Variants in KCNJ3 observed in about 807,000 individuals in gnomAD.
The protein encoded by KCNJ3 is potassium inwardly rectifying channel subfamily J member 3.
In KCNJ3, 4 loss-of-function variants were observed where a neutral mutation model predicts 39.2. The observed-to-expected ratio is 0.10, with a 90% confidence interval of 0.05 to 0.23. KCNJ3 has a LOEUF of 0.23. Among genes scored for constraint, KCNJ3 ranks in the 10% least tolerant of loss-of-function variants. The pLI is 1.00. For synonymous variants in KCNJ3, 230 were observed against 237.4 expected, an observed-to-expected ratio of 0.97 and a Z score of 0.29; for missense variants, 276 against 634.9, an observed-to-expected ratio of 0.43 and a Z score of 6.08.
chr2:154,826,495 CTT>C (rs1186625989), intron 2 of KCNJ3, among the ~76,000 whole-genome samples: 1 of 152,182 alleles, frequency 6.6e-6, no homozygotes, highest in African/African-American at 2.4e-5. Flanking sequence ...GGTAATTTAA[CTT>C]AATGTTGGAA....
chr2:154,842,467 A>G (rs2105130987), intron 2 of KCNJ3, among the ~76,000 whole-genome samples: 1 of 152,330 alleles, frequency 6.6e-6, no homozygotes, highest in East Asian at 1.9e-4. Context: ...TGCTTGTTGC[A>G]GAGCTGAGTT....
Position 154,857,281 on chromosome 2 carries a change from C to T in KCNJ3, c.*1968C>T, listed in dbSNP as rs1414376370. The T allele has an allele frequency of 6.6e-6, 1 of 152,012 alleles. No homozygotes were observed. The highest frequency in any genetic ancestry group is 1.5e-5 in the Non-Finnish European group (1 of 68,010). 9.4% of individuals were successfully genotyped at this position (152,012 alleles called of 1,614,324 possible). ...ATTTATCAGCAGTGGAAAAAAAGTG[C>T]ATAGATCATTTAGTCCAAGAACTTA... On this transcript the variant is annotated 3_prime_UTR_variant, in exon 3 of 3. Coordinates refer to ENST00000295101, the MANE Select transcript of KCNJ3 (RefSeq NM_002239.4).
chr2:154,724,812 A>C (rs1205807458), intron 2 of KCNJ3, among the ~76,000 whole-genome samples: 1 of 148,470 alleles, frequency 6.7e-6, no homozygotes, highest in Non-Finnish European at 1.5e-5. Context: ...AATTATTTAT[A>C]AATAAAATAT....
At chr2:154,765,595 T>C (rs1317551617) in intron 2 of KCNJ3, among the ~76,000 whole-genome samples, 1 of 152,208 alleles carries the variant, frequency 6.6e-6, no homozygotes, top group Non-Finnish European at 1.5e-5. Flanking sequence ...ACTAGTATTT[T>C]TGAAACTAGC....
At chr2:154,785,312 T>G (rs1686507589) in intron 2 of KCNJ3, among the ~76,000 whole-genome samples, 1 of 152,170 alleles carries the variant, frequency 6.6e-6, no homozygotes, top group South Asian at 2.1e-4. Context: ...GTAGGTATGG[T>G]TTCTTCTGAG....
At chr2:154,798,053 G>A (rs1686750550) in intron 2 of KCNJ3, among the ~76,000 whole-genome samples, 1 of 151,584 alleles carries the variant, frequency 6.6e-6, no homozygotes, top group Non-Finnish European at 1.5e-5. Flanking sequence ...GCCAAGATGT[G>A]GAAACAATGT....
At chr2:154,755,075 T>C (rs1325270815) in intron 2 of KCNJ3, among the ~76,000 whole-genome samples, 2 of 152,140 alleles carry the variant, frequency 1.3e-5, no homozygotes, top group African/African-American at 4.8e-5. Flanking sequence ...TCAAGATCTG[T>C]AGTGATACCT....
intron 2 of KCNJ3, among the ~76,000 whole-genome samples, chr2:154,767,093 A>G (rs888271079): frequency 6.6e-6 from 1 of 152,132 alleles, no homozygotes; most frequent in African/African-American, 2.4e-5. Flanking sequence ...ATTTTCACTC[A>G]TTTGTACCAC....
At position 154,699,554 on chromosome 2, in the gene KCNJ3, C is replaced by A. The variant is rs1192297764; in HGVS notation, c.702+77C>A. 1.3e-6 allele frequency: 2 copies of A among 1,481,926 alleles called. No individual in the cohort carries two copies. The highest frequency in any genetic ancestry group is 1.8e-6 in the Non-Finnish European group (2 of 1,117,796). The allele number at this position is 1,481,926 out of a possible 1,614,324, so 91.8% of individuals were successfully genotyped here. On this transcript the variant is annotated intron_variant, in intron 1 of 2. Coordinates refer to ENST00000295101, the MANE Select transcript of KCNJ3 (RefSeq NM_002239.4). This position sits in a 1 kb window ranked among gnomAD's most constrained non-coding sequence, Gnocchi z 6.4. Reference sequence around the variant, plus strand: ...GCGGAGTAACTCGTCTGAGAACCAGCCCGGGCCCCCTCCCCTGGTTCTACC... The same window carrying A: ...GCGGAGTAACTCGTCTGAGAACCAGACCGGGCCCCCTCCCCTGGTTCTACC...
chr2:154,787,334 T>G (rs1203354188), intron 2 of KCNJ3, among the ~76,000 whole-genome samples: 2 of 152,160 alleles, frequency 1.3e-5, no homozygotes, highest in African/African-American at 4.8e-5. Context: ...TTTTTTTTCT[T>G]TTTTGTGCCT....
chr2:154,832,445 T>A (rs1460155044), intron 2 of KCNJ3, among the ~76,000 whole-genome samples: 3 of 152,196 alleles, frequency 2.0e-5, no homozygotes, highest in Non-Finnish European at 4.4e-5. Context: ...GATGGAAACA[T>A]TTCTCTTTTA....
chr2:154,707,256 G>C (rs1316806963), intron 1 of KCNJ3, among the ~76,000 whole-genome samples: 2 of 152,114 alleles, frequency 1.3e-5, no homozygotes, highest in East Asian at 3.9e-4. Context: ...GGGTGGGGTA[G>C]GGTAATTTTG....
At chr2:154,835,480 AATAT>A (rs1352124955) in intron 2 of KCNJ3, among the ~76,000 whole-genome samples, 2 of 109,266 alleles carry the variant, frequency 1.8e-5, no homozygotes, top group Non-Finnish European at 4.1e-5. Flanking sequence ...ATGAATATAT[AATAT>A]TCATGAATAT....
chr2:154,729,177 T>C (rs767408719), intron 2 of KCNJ3, among the ~76,000 whole-genome samples: 28 of 152,170 alleles, frequency 1.8e-4, no homozygotes, highest in Non-Finnish European at 3.1e-4. Flanking sequence ...AGAAATGAAG[T>C]CTTCTTCAGT....
rs11695892 is a variant in KCNJ3 at position 154,854,167 on chromosome 2, G to A, written c.920-560G>A. On this transcript the variant is annotated intron_variant, in intron 2 of 2. Coordinates refer to ENST00000295101, the MANE Select transcript of KCNJ3 (RefSeq NM_002239.4). ...AAAAAGGTAAGCGTCCATTAATTGA[G>A]TCACTTATTGTAGATATTATATGAC... 4.7e-3 allele frequency among the ~76,000 whole-genome samples: 718 copies of A among 152,200 alleles called. 5 individuals carry two copies. The highest frequency in any genetic ancestry group is 8.4e-3 in the Non-Finnish European group (570 of 68,010).
intron 1 of KCNJ3, among the ~76,000 whole-genome samples, chr2:154,703,714 A>G (rs1056778793): frequency 2.6e-5 from 4 of 152,068 alleles, no homozygotes; most frequent in African/African-American, 9.7e-5. Context: ...CTTTCATTTT[A>G]TATCTTGCAC....
rs376380257 is a variant in KCNJ3, at chr2:154,826,892, A to G, written c.920-27835A>G. On this transcript the variant is annotated intron_variant, in intron 2 of 2. Transcript: ENST00000295101. ...TTTTAATGTAAAGCAGGTACACTTC[A>G]TTTATCAGAATTTTGGACTTACTAA... Among the ~76,000 whole-genome samples, 10 of 152,316 alleles carry G rather than the reference A, an allele frequency of 6.6e-5. No individual in the cohort carries two copies. In the East Asian group the frequency reaches 1.5e-3, roughly 24 times the overall value.
intron 2 of KCNJ3, among the ~76,000 whole-genome samples, chr2:154,773,961 TC>T (rs958765960): frequency 1.2e-4 from 18 of 152,154 alleles, no homozygotes; most frequent in African/African-American, 4.3e-4. Flanking sequence ...TGTTGTTAAT[TC>T]TGTCCTTTCC....
intron 2 of KCNJ3, among the ~76,000 whole-genome samples, chr2:154,830,712 A>G (rs967509636): frequency 3.9e-5 from 6 of 152,078 alleles, no homozygotes; most frequent in African/African-American, 1.2e-4. Context: ...CTTAGTTGGA[A>G]GTAATTGTTC....
Sources: allele counts gnomAD v4.1 joint callset (sites outside exome capture counted in the v4.1 genomes callset), GRCh38; gene constraint gnomAD v4.1.1; non-coding constraint Gnocchi (gnomAD v3.1); transcripts MANE v1.5; gene names NCBI Gene and HGNC (gene_info 2026-07-23, HGNC 2026-07-21).